The following ASH1L variants were observed in gnomAD, a reference collection of about 807,000 sequenced individuals.
ASH1L encodes the protein ASH1 like histone lysine methyltransferase.
Under a neutral mutation model 269.0 loss-of-function variants are expected in ASH1L, and 23 were observed. The observed-to-expected ratio is 0.09, with a 90% CI of 0.06 to 0.12. The LOEUF is 0.12. Among genes scored for constraint, ASH1L ranks in the 10% least tolerant of loss-of-function variants. The pLI is 1.00. For missense variants in ASH1L, 2,912 were observed against 3,567.8 expected (o/e 0.82, Z 4.68); for synonymous variants, 1,187 against 1,253.5 (o/e 0.95, Z 1.12).
chr1:155,538,343 T>G (rs1670192398), intron 1 of ASH1L, among the ~76,000 whole-genome samples: 1 of 149,520 alleles, frequency 6.7e-6, no homozygotes, highest in African/African-American at 2.5e-5. Context: ...GCACCTGGCG[T>G]TTTTTTGTTT....
rs368800129 is a variant in ASH1L at position 155,411,586 on chromosome 1, A to AATATATATATATATATATATATAT, written c.6008+4134_6008+4157dup. Among the ~76,000 whole-genome samples, 133 of 55,026 alleles carry AATATATATATATATATATATATAT rather than the reference A, an allele frequency of 2.4e-3. 1 individual carries two copies. Among genetic ancestry groups the AATATATATATATATATATATATAT allele is most frequent in the South Asian group, 5.1e-3 (6 of 1,180 alleles). 36.1% of individuals were successfully genotyped at this position (55,026 alleles called of 152,430 possible). A position where few individuals can be genotyped will look rare whatever the true frequency, so the allele number is the denominator to read the frequency against. On this transcript the variant is annotated intron_variant, in intron 6 of 27. Transcript: ENST00000392403. ...AAATATGAATATAAATAAATAAATA[A>AATATATATATATATATATATATAT]ATATATATATATATATATATATATA... is the stretch of plus-strand genomic sequence containing the variant.
chr1:155,541,407 G>T (rs1322310607), intron 1 of ASH1L, among the ~76,000 whole-genome samples: 1 of 151,702 alleles, frequency 6.6e-6, no homozygotes, highest in Admixed American at 6.6e-5. Context: ...GCTTTCCAAA[G>T]GTAAAAGAGT....
intron 3 of ASH1L, among the ~76,000 whole-genome samples, chr1:155,467,287 ATTTCATGTC>A (rs1377567380): frequency 3.3e-5 from 5 of 152,130 alleles, no homozygotes; most frequent in Non-Finnish European, 7.4e-5. Flanking sequence ...CATGAGACCT[ATTTCATGTC>A]TACCTAACAT....
chr1:155,355,236 A>C (rs923233736), intron 15 of ASH1L, among the ~76,000 whole-genome samples: 2 of 152,232 alleles, frequency 1.3e-5, no homozygotes, highest in African/African-American at 4.8e-5. Flanking sequence ...TTTTTAGTAG[A>C]GACGGGGTTT....
chr1:155,454,321 G>C (rs1319717368), intron 4 of ASH1L, among the ~76,000 whole-genome samples: 1 of 152,104 alleles, frequency 6.6e-6, no homozygotes, highest in African/African-American at 2.4e-5. Context: ...AAAGTACATA[G>C]TTTTCCCATT....
At chr1:155,454,086 C>A (rs769637031) in intron 4 of ASH1L, among the ~76,000 whole-genome samples, 3 of 152,164 alleles carry the variant, frequency 2.0e-5, no homozygotes, top group Non-Finnish European at 4.4e-5. Flanking sequence ...GCCTGAGCGA[C>A]GGAGCAAGAC....
chr1:155,344,488 T>C lies in ASH1L; in HGVS notation c.7891-215A>G, dbSNP rs765040911. The C allele has an allele frequency of 6.1e-5, 28 of 460,324 alleles. 1 individual carries two copies. The highest frequency in any genetic ancestry group is 1.0e-4 in the Non-Finnish European group (26 of 255,496). The allele number at this position is 460,324 out of a possible 1,614,324, so 28.5% of individuals were successfully genotyped here. ...GCTAAGTATCTCAATCTATGTTTTA[T>C]GAAGCACTAATTGTGTAGTTGCTCT... is the stretch of plus-strand genomic sequence containing the variant. On this transcript the variant is annotated intron_variant, in intron 21 of 27. Transcript: ENST00000392403.
In ASH1L at chr1:155,344,234, C is replaced by T; in HGVS notation, c.7930G>A (p.Gly2644Ser). The T allele has an allele frequency of 1.2e-6, 2 of 1,614,092 alleles. No homozygotes were observed. The highest frequency in any genetic ancestry group is 1.7e-6 in the Non-Finnish European group (2 of 1,180,018). The change falls in exon 22 of 28, where the codon GGC becomes AGC. Residue 2644 changes from glycine to serine, a missense_variant. Gly to Ser is a moderately conservative substitution (Grantham distance 56, BLOSUM62 0). Around this residue, in one of 13 missense-constraint regions of ASH1L, gnomAD observed 179 missense variants for 293.8 expected, o/e 0.61. Transcript: ENST00000392403. The part of the protein sequence containing the change: ...MIPRPHYAQP[G>S]CVYFICLLRD... ...AGCAAACAGATGAAGTAGACACAGC[C>T]AGGTTGGGCATAGTGGGGCCGAGGG...
chr1:155,433,938 C>T (rs763160211), intron 5 of ASH1L: 16 of 1,581,660 alleles, frequency 1.0e-5, no homozygotes, highest in South Asian at 5.7e-5. Flanking sequence ...CTGCAGTGCC[C>T]GAAACCCACA....
At chr1:155,407,307 G>A (rs945597850) in intron 6 of ASH1L, among the ~76,000 whole-genome samples, 7 of 152,134 alleles carry the variant, frequency 4.6e-5, no homozygotes, top group African/African-American at 2.4e-5. Context: ...CTGTGGAAAA[G>A]TAAGACAGAC....
rs114994403 is a variant in ASH1L at position 155,338,075 on chromosome 1, C to A, written c.8803+14G>T. ...TTTATCTTAAACCCTAGATATGAAC[C>A]TGATTCTTCTTACCATTTTTTCCAG... On this transcript the variant is annotated intron_variant, in intron 27 of 27. Transcript: ENST00000392403. 302 of 1,610,158 alleles carry A rather than the reference C, an allele frequency of 1.9e-4. 1 individual carries two copies. The African/African-American group carries it at 3.2e-3, about 17-fold the overall frequency.
chr1:155,357,392 C>T lies in ASH1L; in HGVS notation c.6979G>A (p.Glu2327Lys). Residue 2327 changes from glutamate (E) to lysine (K), a missense_variant, in exon 15 of 28, where the codon GAA becomes AAA. Glu to Lys is a moderately conservative substitution (Grantham distance 56, BLOSUM62 1). This residue lies in a region of ASH1L where 309 missense variants were observed against 435.1 expected (regional missense o/e 0.71). Coordinates refer to ENST00000392403, the MANE Select transcript of ASH1L (RefSeq NM_018489.3). ...GGGGTGTTGATATTTTCACTGGGTT[C>T]CTCAGAGAGATGGCCTCTCTGAAAA... ...LKKRRGHLSEEPSENINTPTR... is the reference protein window; with the variant it reads ...LKKRRGHLSEKPSENINTPTR... The T allele has an allele frequency of 6.2e-7, 1 of 1,613,310 alleles. No homozygotes were observed. Among genetic ancestry groups the T allele is most frequent in the South Asian group, 1.1e-5 (1 of 91,030 alleles).
intron 12 of ASH1L, chr1:155,370,210 T>A (rs1348881032): frequency 5.1e-6 from 2 of 388,604 alleles, no homozygotes; most frequent in Non-Finnish European, 4.8e-6. Context: ...GCTATCATCA[T>A]CATCATTATT....
At chr1:155,549,166 G>C (rs779964025) in intron 1 of ASH1L, among the ~76,000 whole-genome samples, 8 of 152,018 alleles carry the variant, frequency 5.3e-5, no homozygotes, top group Non-Finnish European at 4.4e-5. Flanking sequence ...AATAAAGCAT[G>C]ACTCTCTCTC....
At chr1:155,437,078 C>T (rs913793752) in intron 5 of ASH1L, among the ~76,000 whole-genome samples, 9 of 152,010 alleles carry the variant, frequency 5.9e-5, no homozygotes, top group Admixed American at 5.2e-4. Flanking sequence ...GTTTTGATTA[C>T]CATAGCTTTA....
chr1:155,385,853 G>A (rs535571667), intron 7 of ASH1L, among the ~76,000 whole-genome samples: 1 of 152,244 alleles, frequency 6.6e-6, no homozygotes, highest in African/African-American at 2.4e-5. Flanking sequence ...GTTGGGGGAT[G>A]GGGAAGCTCC....
In ASH1L at chr1:155,485,833, T is replaced by A. The variant is rs188270793; in HGVS notation, c.421-3384A>T. On this transcript the variant is annotated intron_variant, in intron 2 of 27. Transcript: ENST00000392403. Reference sequence around the variant, plus strand: ...CAGGGCTCCTGCAGAAATGACTGTTTCCAAATATTAGACAAGAAATATAAA... The same window carrying A: ...CAGGGCTCCTGCAGAAATGACTGTTACCAAATATTAGACAAGAAATATAAA... Among the ~76,000 whole-genome samples, 225 of 152,224 alleles carry A rather than the reference T, an allele frequency of 1.5e-3. 2 individuals carry two copies. Among genetic ancestry groups the A allele is most frequent in the African/African-American group, 4.5e-3 (187 of 41,526 alleles).
intron 1 of ASH1L, among the ~76,000 whole-genome samples, chr1:155,532,545 G>A (rs1669737703): frequency 6.6e-6 from 1 of 152,034 alleles, no homozygotes; most frequent in Admixed American, 6.6e-5. Flanking sequence ...GTCTGGGCTG[G>A]GCGTGGTTGC....
intron 16 of ASH1L, 46 bp from the exon 17 acceptor site, chr1:155,352,904 T>G (rs771260740): frequency 3.6e-5 from 55 of 1,510,174 alleles, no homozygotes; most frequent in East Asian, 7.2e-5. Flanking sequence ...CAAGGAGCTC[T>G]ACATGTCTTT....
Sources: gnomAD v4.1 joint callset for allele counts (sites outside exome capture counted in the v4.1 genomes callset) on GRCh38, gnomAD v4.1.1 for gene constraint, gnomAD v4.1.1 regional missense constraint, MANE v1.5 for transcripts, NCBI Gene and HGNC (gene_info 2026-07-23, HGNC 2026-07-21) for gene names.